The following SLC15A5 variants were observed in gnomAD, a reference collection of about 807,000 sequenced individuals.
SLC15A5 encodes solute carrier family 15 member 5.
A neutral mutation model predicts 56.1 loss-of-function variants in SLC15A5; 58 were observed. The ratio of observed to expected loss-of-function variants is 1.03; its 90% CI spans 0.84 to 1.29. The LOEUF (loss-of-function observed/expected upper bound fraction) is 1.29, where lower values mean the gene tolerates loss of function less well. Among genes scored for constraint, SLC15A5 ranks in the 50% most tolerant of loss-of-function variants. The pLI is 0.00. For synonymous variants in SLC15A5, 264 were observed against 250.5 expected, an observed-to-expected ratio of 1.05 and a Z score of -0.51; for missense variants, 681 against 672.1, an observed-to-expected ratio of 1.01 and a Z score of -0.15.
chr12:16,265,032 C>A (rs995933930), intron 2 of SLC15A5, among the ~76,000 whole-genome samples: 5 of 152,110 alleles, frequency 3.3e-5, no homozygotes, highest in African/African-American at 1.2e-4. Context: ...AAGTTCATGG[C>A]AAGAAGTTTG....
intron 5 of SLC15A5, among the ~76,000 whole-genome samples, chr12:16,238,785 GCTTT>G (rs1160670238): frequency 2.0e-5 from 3 of 152,062 alleles, no homozygotes; most frequent in African/African-American, 7.2e-5. Context: ...AACTTCCTTT[GCTTT>G]CTGTTTATGC....
chr12:16,233,263 A>AT (rs1041122210), intron 5 of SLC15A5, among the ~76,000 whole-genome samples: 3 of 152,104 alleles, frequency 2.0e-5, no homozygotes, highest in Non-Finnish European at 2.9e-5. Flanking sequence ...AAGCATCACT[A>AT]TTTTTTTTCT....
chr12:16,194,326 T>C lies in SLC15A5; in HGVS notation c.1592+19A>G. On this transcript the variant is annotated intron_variant, in intron 8 of 8. Transcript: ENST00000344941. ...TTCATGGACTCAGAAATTTTTCATC[T>C]TACCACACACTTACTTACCTTTGTG... The C allele has an allele frequency of 6.7e-7, 1 of 1,489,720 alleles. No homozygotes were observed. The highest frequency in any genetic ancestry group is 9.0e-7 in the Non-Finnish European group (1 of 1,108,104). 92.3% of individuals were successfully genotyped at this position (1,489,720 alleles called of 1,614,324 possible). A position where few individuals can be genotyped will look rare whatever the true frequency, so the allele number is the denominator to read the frequency against.
intron 7 of SLC15A5, among the ~76,000 whole-genome samples, chr12:16,212,226 T>A (rs890567788): frequency 1.3e-5 from 2 of 152,188 alleles, no homozygotes; most frequent in African/African-American, 4.8e-5. Context: ...AATGTTATAT[T>A]TAAAAATAAT....
At chr12:16,224,306 C>G in intron 6 of SLC15A5, 108 bp downstream of exon 6, 2 of 1,034,254 alleles carry the variant, frequency 1.9e-6, no homozygotes, top group Non-Finnish European at 2.7e-6. Context: ...TGGGAACTCT[C>G]TAGGAGGTGA....
At chr12:16,222,021 A>G (rs1864191939) in intron 6 of SLC15A5, among the ~76,000 whole-genome samples, 1 of 152,190 alleles carries the variant, frequency 6.6e-6, no homozygotes, top group Non-Finnish European at 1.5e-5. Flanking sequence ...GTCTGACACT[A>G]TTAATTCATG....
At position 16,205,590 on chromosome 12, in the gene SLC15A5, T is replaced by TACAC. The variant is rs58581207; in HGVS notation, c.1484-11138_1484-11137insGTGT. 8.1e-3 allele frequency among the ~76,000 whole-genome samples: 461 copies of TACAC among 57,118 alleles called. 16 individuals carry two copies. The highest frequency in any genetic ancestry group is 0.019 in the African/African-American group (283 of 15,106). The allele number at this position is 57,118 out of a possible 152,430, so 37.5% of individuals were successfully genotyped here. A position where few individuals can be genotyped will look rare whatever the true frequency, so the allele number is the denominator to read the frequency against. The stretch of plus-strand genomic sequence containing the variant: ...AAGAAGGGAAAGGTGCATATATATA[T>TACAC]ACATATACACACACACACACATATA... On this transcript the variant is annotated intron_variant, in intron 7 of 8. Coordinates refer to ENST00000344941, the MANE Select transcript of SLC15A5 (RefSeq NM_001170798.1).
Position 16,235,308 on chromosome 12 carries a change from A to G in SLC15A5, c.1162+4373T>C, listed in dbSNP as rs1169855279. ...TATATATGTATATGTATATGTATAT[A>G]TATGTATATATGTATATGTATATGT... On this transcript the variant is annotated intron_variant, in intron 5 of 8. Coordinates refer to ENST00000344941, the MANE Select transcript of SLC15A5 (RefSeq NM_001170798.1). This position sits in a 1 kb window ranked among gnomAD's most constrained non-coding sequence, Gnocchi z 4.1. 4.7e-5 allele frequency among the ~76,000 whole-genome samples: 7 copies of G among 149,088 alleles called. No individual in the cohort carries two copies. Among genetic ancestry groups the G allele is most frequent in the Non-Finnish European group, 7.4e-5 (5 of 67,404 alleles).
intron 8 of SLC15A5, among the ~76,000 whole-genome samples, chr12:16,193,159 A>G (rs962721926): frequency 2.0e-5 from 3 of 152,102 alleles, no homozygotes; most frequent in African/African-American, 7.2e-5. Flanking sequence ...CAATGCTGAG[A>G]ACATTCCTGT....
At chr12:16,225,259 G>A (rs981516327) in intron 5 of SLC15A5, among the ~76,000 whole-genome samples, 13 of 152,186 alleles carry the variant, frequency 8.5e-5, no homozygotes, top group Non-Finnish European at 1.5e-4. Flanking sequence ...GGGATGGTTG[G>A]GTCAAATGGT....
intron 2 of SLC15A5, among the ~76,000 whole-genome samples, chr12:16,260,137 A>T (rs1315753933): frequency 2.0e-5 from 3 of 152,224 alleles, no homozygotes; most frequent in Non-Finnish European, 4.4e-5. Context: ...GATATTGTCA[A>T]AAATATTTTC....
At chr12:16,233,143 G>A (rs1864314167) in intron 5 of SLC15A5, among the ~76,000 whole-genome samples, 1 of 152,072 alleles carries the variant, frequency 6.6e-6, no homozygotes, top group Non-Finnish European at 1.5e-5. Context: ...AGGTAATTTA[G>A]ATTTTACAAC....
At chr12:16,202,828 G>T (rs1182565701) in intron 7 of SLC15A5, among the ~76,000 whole-genome samples, 1 of 152,122 alleles carries the variant, frequency 6.6e-6, no homozygotes, top group Non-Finnish European at 1.5e-5. Flanking sequence ...GATGAATCTA[G>T]AGTACATTAT....
chr12:16,216,060 C>T (rs1864127629), intron 7 of SLC15A5, among the ~76,000 whole-genome samples: 1 of 129,506 alleles, frequency 7.7e-6, no homozygotes, highest in South Asian at 2.2e-4. Context: ...TTGTCTGTTA[C>T]AAGAGAATAG....
At chr12:16,258,813 C>T (rs529033686) in intron 2 of SLC15A5, among the ~76,000 whole-genome samples, 1 of 152,026 alleles carries the variant, frequency 6.6e-6, no homozygotes, top group South Asian at 2.1e-4. Context: ...ATTATCTCTG[C>T]AAAATCATTT....
intron 7 of SLC15A5, among the ~76,000 whole-genome samples, chr12:16,210,784 G>C (rs1864072682): frequency 6.6e-6 from 1 of 152,170 alleles, no homozygotes; most frequent in African/African-American, 2.4e-5. Context: ...AATAGCAATG[G>C]ACTGTTGCTT....
intron 7 of SLC15A5, among the ~76,000 whole-genome samples, chr12:16,197,766 T>A (rs923167443): frequency 1.3e-5 from 2 of 148,506 alleles, no homozygotes; most frequent in African/African-American, 5.0e-5. Context: ...TTTTTTTTTT[T>A]ATCATTGTCC....
At position 16,189,390 on chromosome 12, in the gene SLC15A5, A is replaced by G. The variant is rs769122324; in HGVS notation, c.*278T>C. Reference sequence around the variant, plus strand: ...GAACCATTGTAGAAAGCTGTAAGGTATTATTGGTGTATAGAAAACTGTCAT... The same window carrying G: ...GAACCATTGTAGAAAGCTGTAAGGTGTTATTGGTGTATAGAAAACTGTCAT... On this transcript the variant is annotated 3_prime_UTR_variant, in exon 9 of 9. Transcript: ENST00000344941. The G allele has an allele frequency of 4.8e-5, 10 of 206,432 alleles. No individual in the cohort carries two copies. The highest frequency in any genetic ancestry group is 1.9e-4 in the East Asian group (2 of 10,406). 12.8% of individuals were successfully genotyped at this position (206,432 alleles called of 1,614,324 possible).
chr12:16,211,508 T>C (rs199945973), intron 7 of SLC15A5, among the ~76,000 whole-genome samples: 6 of 146,818 alleles, frequency 4.1e-5, no homozygotes, highest in Non-Finnish European at 9.1e-5. Context: ...CCTTTTTTTT[T>C]CTTAAATATT....
Sources: gnomAD v4.1 joint callset for allele counts (sites outside exome capture counted in the v4.1 genomes callset) on GRCh38, gnomAD v4.1.1 for gene constraint, Gnocchi (gnomAD v3.1) non-coding constraint, MANE v1.5 for transcripts, NCBI Gene and HGNC (gene_info 2026-07-23, HGNC 2026-07-21) for gene names.